The following PAM variants were observed in gnomAD, a reference collection of about 807,000 sequenced individuals.
PAM encodes peptidylglycine alpha-amidating monooxygenase, also known as peptidyl-glycine alpha-amidating monooxygenase.
PAM carries 72 observed loss-of-function variants against 122.1 expected under a neutral mutation model. The observed-to-expected ratio is 0.59, with a 90% CI of 0.49 to 0.72. The LOEUF (loss-of-function observed/expected upper bound fraction) is 0.72. Ranked by LOEUF, PAM falls within the 30% of genes least tolerant of loss-of-function variation. The pLI is 0.00. For synonymous variants in PAM, 389 were observed against 404.4 expected (o/e 0.96, Z 0.46); for missense variants, 1,106 against 1,183.7 (o/e 0.93, Z 0.96).
intron 6 of PAM, 26 bp from the exon 7 acceptor site, chr5:102,926,559 A>G (rs1401301221): frequency 2.3e-6 from 3 of 1,320,494 alleles, no homozygotes; most frequent in Admixed American, 3.4e-5. Flanking sequence ...CATTTCTAAT[A>G]TATTAACTTT....
intron 7 of PAM, among the ~76,000 whole-genome samples, chr5:102,926,924 G>A (rs918988599): frequency 6.6e-6 from 1 of 152,032 alleles, no homozygotes; most frequent in Non-Finnish European, 1.5e-5. Context: ...GCCTTCTAGT[G>A]TATTGTTTTA....
chr5:103,008,968 A>G (rs1779850591), intron 20 of PAM, among the ~76,000 whole-genome samples: 1 of 152,172 alleles, frequency 6.6e-6, no homozygotes, highest in African/African-American at 2.4e-5. Context: ...TTTTTATAGT[A>G]CATCCTAGAA....
At chr5:102,771,431 G>T (rs1346277594) in intron 1 of PAM, among the ~76,000 whole-genome samples, 1 of 152,114 alleles carries the variant, frequency 6.6e-6, no homozygotes, top group Admixed American at 6.6e-5. Flanking sequence ...GGGAAACATA[G>T]AAGATAGGAA....
At chr5:102,965,273 A>C (rs981612899) in intron 14 of PAM, among the ~76,000 whole-genome samples, 3 of 151,622 alleles carry the variant, frequency 2.0e-5, no homozygotes, top group African/African-American at 7.3e-5. Flanking sequence ...TATGCATTAT[A>C]ATTTCTTATA....
chr5:102,980,050 T>C (rs1342706331), intron 15 of PAM, among the ~76,000 whole-genome samples: 1 of 152,134 alleles, frequency 6.6e-6, no homozygotes, highest in Non-Finnish European at 1.5e-5. Context: ...AGGTAATGTA[T>C]ATTTACCTTA....
At chr5:102,982,016 G>C (rs1770050615) in intron 15 of PAM, among the ~76,000 whole-genome samples, 1 of 152,112 alleles carries the variant, frequency 6.6e-6, no homozygotes, top group South Asian at 2.1e-4. Flanking sequence ...CCTGAAGACA[G>C]TTCCTCCCCA....
At chr5:102,959,442 A>C (rs1761820267) in intron 12 of PAM, among the ~76,000 whole-genome samples, 1 of 152,130 alleles carries the variant, frequency 6.6e-6, no homozygotes, top group Non-Finnish European at 1.5e-5. Flanking sequence ...TAAATAATAT[A>C]TGATAATTAT....
At chr5:102,917,241 C>T (rs1745751511) in intron 5 of PAM, among the ~76,000 whole-genome samples, 1 of 152,148 alleles carries the variant, frequency 6.6e-6, no homozygotes, top group African/African-American at 2.4e-5. Flanking sequence ...AGCTGTTTAA[C>T]ATCTTATCCT....
intron 16 of PAM, among the ~76,000 whole-genome samples, chr5:103,001,037 C>G (rs988905416): frequency 6.6e-6 from 1 of 152,078 alleles, no homozygotes; most frequent in Non-Finnish European, 1.5e-5. Context: ...CAAACCATAT[C>G]AAACCTTAAA....
chr5:102,779,886 C>CATATATATATAT lies in PAM; in HGVS notation c.-374+24560_-374+24571dup, dbSNP rs767088116. Among the ~76,000 whole-genome samples the CATATATATATAT allele has an allele frequency of 2.8e-3, 228 of 80,990 alleles. 2 individuals are homozygous for CATATATATATAT. Among genetic ancestry groups the CATATATATATAT allele is most frequent in the East Asian group, 6.1e-3 (15 of 2,448 alleles). 53.1% of individuals were successfully genotyped at this position (80,990 alleles called of 152,430 possible). On this transcript the variant is annotated intron_variant, in intron 1 of 25. Coordinates refer to ENST00000438793, the MANE Select transcript of PAM (RefSeq NM_001177306.2). ...TTAATACTTAATAAACTCCCATATA[C>CATATATATATAT]ATATATATATATATATATATATATA... is the stretch of plus-strand genomic sequence containing the variant.
intron 18 of PAM, among the ~76,000 whole-genome samples, chr5:103,006,265 T>A (rs919934960): frequency 6.6e-6 from 1 of 152,136 alleles, no homozygotes; most frequent in Non-Finnish European, 1.5e-5. Flanking sequence ...TTTTTACTTA[T>A]TTTTTTATGT....
intron 5 of PAM, among the ~76,000 whole-genome samples, chr5:102,920,581 G>A (rs892795183): frequency 6.6e-6 from 1 of 152,032 alleles, no homozygotes; most frequent in Non-Finnish European, 1.5e-5. Context: ...AATATTCTAT[G>A]GGTTTATAGA....
At chr5:102,881,085 T>A (rs1268787612) in intron 3 of PAM, among the ~76,000 whole-genome samples, 1 of 149,640 alleles carries the variant, frequency 6.7e-6, no homozygotes, top group East Asian at 1.9e-4. Context: ...AACAGACCAC[T>A]AACTGTAGAA....
chr5:102,852,159 C>T (rs1458310058), intron 1 of PAM, among the ~76,000 whole-genome samples: 1 of 152,130 alleles, frequency 6.6e-6, no homozygotes, highest in African/African-American at 2.4e-5. Flanking sequence ...AAGCATTGGC[C>T]ATTAATTTTG....
intron 4 of PAM, among the ~76,000 whole-genome samples, chr5:102,906,370 A>G: frequency 6.6e-6 from 1 of 151,686 alleles, no homozygotes; most frequent in East Asian, 1.9e-4. Flanking sequence ...AGTCAGAGAA[A>G]ACTTCATGAT....
chr5:102,771,798 G>C (rs1561400959), intron 1 of PAM, among the ~76,000 whole-genome samples: 1 of 152,120 alleles, frequency 6.6e-6, no homozygotes, highest in African/African-American at 2.4e-5. Flanking sequence ...GTAATGGTTT[G>C]TCACCCCAGT....
chr5:102,796,304 A>AG (rs1340391140), intron 1 of PAM, among the ~76,000 whole-genome samples: 3 of 152,160 alleles, frequency 2.0e-5, no homozygotes, highest in Non-Finnish European at 2.9e-5. Flanking sequence ...TCAATAGTCT[A>AG]GGACTCATAG....
At chr5:102,861,532 G>A (rs1784191973) in intron 1 of PAM, among the ~76,000 whole-genome samples, 1 of 152,108 alleles carries the variant, frequency 6.6e-6, no homozygotes, top group South Asian at 2.1e-4. Flanking sequence ...GAGTGAAGCA[G>A]ACTGGAGATA....
Position 103,007,628 on chromosome 5 carries a change from G to A in PAM, c.2186G>A (p.Arg729Lys), listed in dbSNP as rs776987912. 1.2e-6 allele frequency: 2 copies of A among 1,611,708 alleles called. No individual in the cohort carries two copies. Among genetic ancestry groups the A allele is most frequent in the Non-Finnish European group, 1.7e-6 (2 of 1,177,896 alleles). The change falls in exon 20 of 26, where the codon AGA becomes AAA. Residue 729 changes from arginine (R) to lysine (K), a missense_variant. Arg to Lys is a conservative substitution (Grantham distance 26, BLOSUM62 2). Coordinates refer to ENST00000438793, the MANE Select transcript of PAM (RefSeq NM_001177306.2). ...VREIKHSSFG[R>K]NVFAISYIPG... The stretch of plus-strand genomic sequence containing the variant: ...GAGATTAAGCATTCATCATTTGGAA[G>A]AAATGTATTTGCAATTTCATATATA...
Sources: allele counts gnomAD v4.1 joint callset (sites outside exome capture counted in the v4.1 genomes callset), GRCh38; gene constraint gnomAD v4.1.1; transcripts MANE v1.5; gene names NCBI Gene and HGNC (gene_info 2026-07-23, HGNC 2026-07-21).